COL19A1: variants seen among roughly 807,000 people sequenced by gnomAD.
The protein encoded by COL19A1 is collagen type XIX alpha 1 chain, also known as collagen alpha-1(XIX) chain.
COL19A1 carries 159 observed loss-of-function variants against 190.2 expected under a neutral mutation model. The observed-to-expected ratio is 0.84, with a 90% CI of 0.73 to 0.95. COL19A1 has a LOEUF of 0.95. Among genes scored for constraint, COL19A1 ranks in the 40% least tolerant of loss-of-function variants. The pLI is 0.00. For missense variants in COL19A1, 1,418 were observed against 1,431.9 expected, an observed-to-expected ratio of 0.99 and a Z score of 0.16; for synonymous variants, 509 against 458.9, an observed-to-expected ratio of 1.11 and a Z score of -1.39.
intron 16 of COL19A1, among the ~76,000 whole-genome samples, chr6:70,110,026 T>C (rs905034376): frequency 6.6e-6 from 1 of 152,186 alleles, no homozygotes; most frequent in South Asian, 2.1e-4. Flanking sequence ...TTATTTACTA[T>C]GCACTGAAAA....
At chr6:70,089,120 T>G (rs1356543470) in intron 15 of COL19A1, among the ~76,000 whole-genome samples, 1 of 152,180 alleles carries the variant, frequency 6.6e-6, no homozygotes, top group Admixed American at 6.6e-5. Context: ...TTCACCTACA[T>G]GTGTTTTCTC....
chr6:70,058,447 A>G (rs558796543), intron 14 of COL19A1, among the ~76,000 whole-genome samples: 35 of 152,122 alleles, frequency 2.3e-4, no homozygotes, highest in Non-Finnish European at 4.9e-4. Context: ...TCTTTCTAGC[A>G]CAGCTCTTCC....
chr6:69,921,491 T>TATATATTCATATATATTC lies in COL19A1; in HGVS notation c.267-6413_267-6396dup, dbSNP rs1561998653. On this transcript the variant is annotated intron_variant, in intron 4 of 50. Coordinates refer to ENST00000620364, the MANE Select transcript of COL19A1 (RefSeq NM_001858.6). ...ATATTCATATATTCATATATATTCA[T>TATATATTCATATATATTC]ATATATTCATATATATTCATATGTA... Among the ~76,000 whole-genome samples, 3 of 113,586 alleles carry TATATATTCATATATATTC rather than the reference T, an allele frequency of 2.6e-5. 1 individual carries two copies. Among genetic ancestry groups the TATATATTCATATATATTC allele is most frequent in the African/African-American group, 1.2e-4 (3 of 24,604 alleles). The allele number at this position is 113,586 out of a possible 152,430, so 74.5% of individuals were successfully genotyped here. A position where few individuals can be genotyped will look rare whatever the true frequency, so the allele number is the denominator to read the frequency against.
rs546634875 is a variant in COL19A1 at position 69,924,719 on chromosome 6, C to G, written c.267-3190C>G. 3.0e-3 allele frequency among the ~76,000 whole-genome samples: 459 copies of G among 152,286 alleles called. 2 individuals are homozygous for G. The highest frequency in any genetic ancestry group is 4.6e-3 in the Non-Finnish European group (314 of 68,020). On this transcript the variant is annotated intron_variant, in intron 4 of 50. Transcript: ENST00000620364. ...TCCCACCAACAGTGTAAAAGTGTTCCTATTTCTCCACATCCTCTCCAGCAC... is the reference window on the plus strand; with the variant it reads ...TCCCACCAACAGTGTAAAAGTGTTCGTATTTCTCCACATCCTCTCCAGCAC...
At chr6:70,150,830 G>A (rs1055139881) in intron 30 of COL19A1, among the ~76,000 whole-genome samples, 3 of 152,106 alleles carry the variant, frequency 2.0e-5, no homozygotes, top group African/African-American at 7.2e-5. Context: ...TTGCAAAAAT[G>A]TTACTTGGGT....
intron 11 of COL19A1, among the ~76,000 whole-genome samples, chr6:70,004,161 G>A (rs562314243): frequency 1.3e-5 from 2 of 152,238 alleles, no homozygotes; most frequent in South Asian, 4.1e-4. Context: ...GAAATTCTAG[G>A]TTGAAAATCC....
At chr6:70,182,136 A>G (rs1366778377) in intron 44 of COL19A1, among the ~76,000 whole-genome samples, 2 of 152,220 alleles carry the variant, frequency 1.3e-5, no homozygotes, top group African/African-American at 2.4e-5. Context: ...CAGAACAGTA[A>G]GAAAACATCA....
In COL19A1 at chr6:69,950,664, A is replaced by G. The variant is rs576282211; in HGVS notation, c.937-9332A>G. On this transcript the variant is annotated intron_variant, in intron 9 of 50. Transcript: ENST00000620364. Reference sequence around the variant, plus strand: ...TGAATGACTCAAAGCATGAGATCACATGAATGCAGCCACACACACACACAC... The same window carrying G: ...TGAATGACTCAAAGCATGAGATCACGTGAATGCAGCCACACACACACACAC... 2.8e-5 allele frequency among the ~76,000 whole-genome samples: 4 copies of G among 142,768 alleles called. No individual in the cohort carries two copies. In the South Asian group the frequency reaches 9.3e-4, roughly 33 times the overall value. The allele number at this position is 142,768 out of a possible 152,430, so 93.7% of individuals were successfully genotyped here.
chr6:70,125,938 T>C (rs981726281), intron 17 of COL19A1, among the ~76,000 whole-genome samples: 2 of 152,174 alleles, frequency 1.3e-5, no homozygotes, highest in African/African-American at 4.8e-5. Flanking sequence ...GACCCACAGT[T>C]CCTTACTACA....
In COL19A1 at chr6:69,870,289, T is replaced by G. The variant is rs375124865; in HGVS notation, c.-33+3649T>G. On this transcript the variant is annotated intron_variant, in intron 1 of 50. Transcript: ENST00000620364. ...TCTGTTTTCTCCAAGATGTTCAATA[T>G]AGGGAAGAGAAAGAATGCAAAGGAG... Among the ~76,000 whole-genome samples, 5 of 152,284 alleles carry G rather than the reference T, an allele frequency of 3.3e-5. No individual in the cohort carries two copies. The East Asian group carries it at 9.7e-4, about 29-fold the overall frequency.
intron 18 of COL19A1, among the ~76,000 whole-genome samples, chr6:70,133,829 T>G (rs1785667073): frequency 6.6e-6 from 1 of 152,208 alleles, no homozygotes; most frequent in Non-Finnish European, 1.5e-5. Flanking sequence ...GAAAATGCTT[T>G]TGCTTGCAGA....
intron 10 of COL19A1, among the ~76,000 whole-genome samples, chr6:69,961,170 GCAA>G (rs1582533584): frequency 6.6e-6 from 1 of 152,120 alleles, no homozygotes; most frequent in East Asian, 1.9e-4. Flanking sequence ...ACTGGTTTTG[GCAA>G]CAACATGTCA....
chr6:70,038,020 C>T (rs1779444252), intron 14 of COL19A1, among the ~76,000 whole-genome samples: 1 of 152,094 alleles, frequency 6.6e-6, no homozygotes, highest in South Asian at 2.1e-4. Context: ...CAACTCTTCC[C>T]TACAAAATAG....
intron 16 of COL19A1, among the ~76,000 whole-genome samples, chr6:70,109,479 T>C (rs1043096865): frequency 2.0e-5 from 3 of 151,206 alleles, no homozygotes; most frequent in African/African-American, 7.3e-5. Flanking sequence ...AAAAGAAGGG[T>C]TGGGGGGCAA....
At chr6:70,008,702 T>G (rs6939159) in intron 11 of COL19A1, among the ~76,000 whole-genome samples, 2,540 of 151,992 alleles carry the variant, frequency 0.017, 77 homozygotes, top group African/African-American at 0.058. Flanking sequence ...AATATTACTC[T>G]GATACTGCAA....
intron 25 of COL19A1, 52 bp downstream of exon 25, chr6:70,145,059 A>G: frequency 7.9e-7 from 1 of 1,263,382 alleles, no homozygotes; most frequent in Non-Finnish European, 1.1e-6. Context: ...ATTAATTACT[A>G]CTTGTGGGTT....
intron 27 of COL19A1, 92 bp from the exon 28 acceptor site, chr6:70,149,612 A>G: frequency 6.6e-7 from 1 of 1,514,224 alleles, no homozygotes; most frequent in East Asian, 2.3e-5. Context: ...TGTTCCTCTA[A>G]GTAAACTACA....
intron 2 of COL19A1, chr6:69,890,273 C>G (rs1561967320): frequency 6.6e-6 from 1 of 152,244 alleles, no homozygotes. Context: ...TTTGATAACT[C>G]CATTGTTTCA....
At position 70,188,117 on chromosome 6, in the gene COL19A1, C is replaced by T. The variant is rs150270870; in HGVS notation, c.2899C>T (p.Arg967Trp). The T allele has an allele frequency of 1.9e-5, 30 of 1,613,512 alleles. No individual in the cohort carries two copies. Among genetic ancestry groups the T allele is most frequent in the Admixed American group, 5.0e-5 (3 of 59,916 alleles). ...IPGDRGSQGE[R>W]GKPGLTGMKG... ...AGGAGACAGAGGCTCACAAGGTGAA[C>T]GGGGAAAACCAGGCCTTACAGGCAT... The change falls in exon 47 of 51, where the codon CGG (arginine) becomes TGG (tryptophan). Residue 967 changes from arginine (R) to tryptophan (W), a missense_variant. Transcript: ENST00000620364.
Sources: gnomAD v4.1 joint callset for allele counts (sites outside exome capture counted in the v4.1 genomes callset) on GRCh38, gnomAD v4.1.1 for gene constraint, MANE v1.5 for transcripts, NCBI Gene and HGNC (gene_info 2026-07-23, HGNC 2026-07-21) for gene names.